Variants in SLC25A21 observed in about 807,000 individuals in gnomAD.
SLC25A21 encodes solute carrier family 25 member 21, also known as mitochondrial 2-oxodicarboxylate carrier.
A neutral mutation model predicts 43.8 loss-of-function variants in SLC25A21; 47 were observed. The ratio of observed to expected loss-of-function variants is 1.07; its 90% CI spans 0.85 to 1.37. SLC25A21 has a LOEUF of 1.37. Among genes scored for constraint, SLC25A21 ranks in the 40% most tolerant of loss-of-function variants. The pLI, the probability that SLC25A21 is intolerant of heterozygous loss-of-function variation, is 0.00. For missense variants in SLC25A21, 352 were observed against 350.2 expected (o/e 1.00, Z -0.04); for synonymous variants, 131 against 121.3 (o/e 1.08, Z -0.52).
At chr14:36,896,185 G>T (rs1013554166) in intron 1 of SLC25A21, among the ~76,000 whole-genome samples, 2 of 152,106 alleles carry the variant, frequency 1.3e-5, no homozygotes, top group African/African-American at 4.8e-5. Context: ...AAGTCTCTTT[G>T]TAGGTCTCTA....
At chr14:36,899,484 T>C (rs976738437) in intron 1 of SLC25A21, among the ~76,000 whole-genome samples, 47 of 152,236 alleles carry the variant, frequency 3.1e-4, no homozygotes, top group African/African-American at 1.0e-3. Flanking sequence ...AGAAATGGGA[T>C]TGGCCCTTCT....
chr14:36,810,506 C>T (rs115281849), intron 3 of SLC25A21, among the ~76,000 whole-genome samples: 247 of 152,156 alleles, frequency 1.6e-3, no homozygotes, highest in African/African-American at 5.5e-3. Flanking sequence ...ATATTATCAA[C>T]GTAGGGCATT....
chr14:36,912,416 T>C (rs1891712619), intron 1 of SLC25A21, among the ~76,000 whole-genome samples: 1 of 152,172 alleles, frequency 6.6e-6, no homozygotes, highest in Non-Finnish European at 1.5e-5. Flanking sequence ...GGTCCCTGTC[T>C]GCCCCTGCCC....
rs149960430 is a variant in SLC25A21, at chr14:37,129,338, C to G, written c.70+42943G>C. ...GGCAGGTCAGCATCTAGTTTGGAGA[C>G]GATATTGTCCTTTCTGTTGGCAACT... On this transcript the variant is annotated intron_variant, in intron 1 of 9. Coordinates refer to ENST00000331299, the MANE Select transcript of SLC25A21 (RefSeq NM_030631.4). Among the ~76,000 whole-genome samples, 361 of 152,246 alleles carry G rather than the reference C, an allele frequency of 2.4e-3. 2 individuals are homozygous for G. The highest frequency in any genetic ancestry group is 8.3e-3 in the African/African-American group (344 of 41,552).
chr14:36,789,653 T>C (rs1206808021), intron 3 of SLC25A21, among the ~76,000 whole-genome samples: 1 of 143,234 alleles, frequency 7.0e-6, no homozygotes, highest in African/African-American at 2.6e-5. Context: ...CTTTTCATCC[T>C]GCCTATATAA....
At chr14:36,726,520 C>A in intron 5 of SLC25A21, among the ~76,000 whole-genome samples, 1 of 152,066 alleles carries the variant, frequency 6.6e-6, no homozygotes, top group Middle Eastern at 3.4e-3. Flanking sequence ...TTCTGAAAGG[C>A]TCAAATAAAA....
chr14:36,818,317 G>C (rs1888521073), intron 2 of SLC25A21, among the ~76,000 whole-genome samples: 1 of 152,174 alleles, frequency 6.6e-6, no homozygotes, highest in Non-Finnish European at 1.5e-5. Flanking sequence ...ACAAGAAAGG[G>C]CAGTCCATGA....
intron 7 of SLC25A21, among the ~76,000 whole-genome samples, chr14:36,688,432 T>C (rs1208674679): frequency 6.6e-6 from 1 of 152,240 alleles, no homozygotes; most frequent in Non-Finnish European, 1.5e-5. Flanking sequence ...CAGAGTACAC[T>C]GTAGGTGCTA....
chr14:36,905,018 C>A (rs1424869187), intron 1 of SLC25A21, among the ~76,000 whole-genome samples: 1 of 152,140 alleles, frequency 6.6e-6, no homozygotes, highest in East Asian at 1.9e-4. Context: ...CTACTCCCTT[C>A]CAAAATAATT....
At chr14:37,169,012 C>T (rs1381592425) in intron 1 of SLC25A21, among the ~76,000 whole-genome samples, 2 of 152,120 alleles carry the variant, frequency 1.3e-5, no homozygotes, top group Non-Finnish European at 2.9e-5. Context: ...CAGTTGAACG[C>T]AAGACTTTCC....
chr14:37,133,371 GTC>G (rs1317633258), intron 1 of SLC25A21, among the ~76,000 whole-genome samples: 4 of 151,908 alleles, frequency 2.6e-5, no homozygotes, highest in African/African-American at 4.8e-5. Flanking sequence ...TTAGCTCACA[GTC>G]TCTGTGAGGC....
intron 3 of SLC25A21, among the ~76,000 whole-genome samples, chr14:36,752,632 A>T (rs919710173): frequency 5.9e-5 from 9 of 152,350 alleles, no homozygotes; most frequent in Admixed American, 2.0e-4. Flanking sequence ...AGACACAAAA[A>T]GACAAGTACT....
At chr14:36,927,975 C>T (rs533188516) in intron 1 of SLC25A21, among the ~76,000 whole-genome samples, 3 of 152,234 alleles carry the variant, frequency 2.0e-5, no homozygotes, top group East Asian at 3.9e-4. Context: ...TGGTGTCTAG[C>T]ATACAACCGA....
At chr14:37,076,964 A>G (rs1962293953) in intron 1 of SLC25A21, among the ~76,000 whole-genome samples, 1 of 152,236 alleles carries the variant, frequency 6.6e-6, no homozygotes, top group Non-Finnish European at 1.5e-5. Flanking sequence ...AAAATATAAA[A>G]TTAACGTAAA....
intron 1 of SLC25A21, among the ~76,000 whole-genome samples, chr14:37,132,894 C>G (rs1963414842): frequency 6.6e-6 from 1 of 152,094 alleles, no homozygotes; most frequent in South Asian, 2.1e-4. Flanking sequence ...CCATACCAAG[C>G]TAATTTTTGT....
chr14:36,906,539 C>T (rs2138605657), intron 1 of SLC25A21, among the ~76,000 whole-genome samples: 1 of 151,296 alleles, frequency 6.6e-6, no homozygotes, highest in South Asian at 2.1e-4. Context: ...TGGAGTCTCA[C>T]TCTGTCGCCA....
At chr14:37,094,529 T>C (rs924829776) in intron 1 of SLC25A21, among the ~76,000 whole-genome samples, 6 of 152,176 alleles carry the variant, frequency 3.9e-5, no homozygotes, top group Non-Finnish European at 7.3e-5. Context: ...CCAAATGTGT[T>C]TGGCCCATCA....
At chr14:36,725,287 A>T (rs2139211977) in intron 6 of SLC25A21, 1 of 159,552 alleles carries the variant, frequency 6.3e-6, no homozygotes, top group Middle Eastern at 3.1e-3. Flanking sequence ...CAGCCTGACC[A>T]ACATGGAGAA....
chr14:36,986,625 A>G (rs1353035782), intron 1 of SLC25A21, among the ~76,000 whole-genome samples: 1 of 152,118 alleles, frequency 6.6e-6, no homozygotes, highest in African/African-American at 2.4e-5. Context: ...TCAGGTTAGC[A>G]ATCTCCTGTT....
Sources: allele counts gnomAD v4.1 joint callset (sites outside exome capture counted in the v4.1 genomes callset), GRCh38; gene constraint gnomAD v4.1.1; transcripts MANE v1.5; gene names NCBI Gene and HGNC (gene_info 2026-07-23, HGNC 2026-07-21).